Variants in CDC14A observed in about 807,000 individuals in gnomAD.
CDC14A encodes cell division cycle 14A.
CDC14A carries 53 observed loss-of-function variants against 74.4 expected under a neutral mutation model. The ratio of observed to expected loss-of-function variants is 0.71; its 90% CI spans 0.57 to 0.89. The LOEUF (loss-of-function observed/expected upper bound fraction) is 0.89. Among genes scored for constraint, CDC14A ranks in the 40% least tolerant of loss-of-function variants. CDC14A has a pLI of 0.00. For synonymous variants in CDC14A, 247 were observed against 258.4 expected (o/e 0.96, Z 0.43); for missense variants, 646 against 713.7 (o/e 0.91, Z 1.08).
intron 10 of CDC14A, among the ~76,000 whole-genome samples, chr1:100,482,459 T>A (rs1276569920): frequency 6.6e-6 from 1 of 152,182 alleles, no homozygotes; most frequent in African/African-American, 2.4e-5. Flanking sequence ...GCTGGGTAAG[T>A]CCTGCTCATC....
chr1:100,438,851 C>G (rs1439363984), intron 5 of CDC14A, among the ~76,000 whole-genome samples: 1 of 152,214 alleles, frequency 6.6e-6, no homozygotes, highest in African/African-American at 2.4e-5. Context: ...CCTTAAAGGT[C>G]TATTCTCCCC....
intron 4 of CDC14A, chr1:100,393,365 T>C: frequency 2.2e-6 from 2 of 891,668 alleles, no homozygotes; most frequent in South Asian, 2.6e-5. Context: ...CTTGATGCTC[T>C]AACTAGGCCA....
chr1:100,452,059 T>C (rs1230862755), intron 7 of CDC14A, among the ~76,000 whole-genome samples: 2 of 152,232 alleles, frequency 1.3e-5, no homozygotes, highest in Admixed American at 1.3e-4. Context: ...CATCTGTTGA[T>C]ATAGGAAATC....
At chr1:100,396,306 C>T (rs1658472092) in intron 4 of CDC14A, among the ~76,000 whole-genome samples, 1 of 152,142 alleles carries the variant, frequency 6.6e-6, no homozygotes, top group African/African-American at 2.4e-5. Context: ...GAGTGGTGTG[C>T]TGTGGGCTGC....
intron 5 of CDC14A, among the ~76,000 whole-genome samples, chr1:100,439,586 T>C (rs1287047408): frequency 6.6e-6 from 1 of 152,214 alleles, no homozygotes; most frequent in Non-Finnish European, 1.5e-5. Flanking sequence ...GAGTGATAGC[T>C]GCTATCATTA....
chr1:100,466,785 G>T (rs909508371), intron 9 of CDC14A, among the ~76,000 whole-genome samples: 1 of 150,280 alleles, frequency 6.7e-6, no homozygotes, highest in African/African-American at 2.5e-5. Flanking sequence ...CAGGAGAATC[G>T]CTTGAACCTG....
chr1:100,483,892 G>A (rs1399625301), intron 10 of CDC14A, among the ~76,000 whole-genome samples: 1 of 152,072 alleles, frequency 6.6e-6, no homozygotes, highest in African/African-American at 2.4e-5. Flanking sequence ...GTTCTTTCAT[G>A]TACAGTTTTG....
chr1:100,407,781 C>T (rs190822629), intron 4 of CDC14A, among the ~76,000 whole-genome samples: 55 of 152,186 alleles, frequency 3.6e-4, no homozygotes, highest in African/African-American at 1.2e-3. Context: ...ATCTCCAGTA[C>T]TTAACATAGT....
intron 2 of CDC14A, among the ~76,000 whole-genome samples, chr1:100,366,763 G>T (rs1653686248): frequency 6.6e-6 from 1 of 152,140 alleles, no homozygotes; most frequent in Non-Finnish European, 1.5e-5. Context: ...AAAAGGGTTT[G>T]ATTTTAGCTA....
chr1:100,451,757 G>A (rs550648876), intron 7 of CDC14A, among the ~76,000 whole-genome samples: 2 of 152,196 alleles, frequency 1.3e-5, no homozygotes, highest in East Asian at 1.9e-4. Context: ...TGGATAAAAC[G>A]AAGATGAAAA....
chr1:100,494,680 A>G, intron 11 of CDC14A, 138 bp from the exon 12 acceptor site: 1 of 546,480 alleles, frequency 1.8e-6, no homozygotes, highest in East Asian at 3.0e-5. Flanking sequence ...AACTTTGACA[A>G]TGCTGATTCA....
At chr1:100,435,823 TAAAAAA>T (rs10545372) in intron 5 of CDC14A, among the ~76,000 whole-genome samples, 3 of 97,956 alleles carry the variant, frequency 3.1e-5, no homozygotes, top group African/African-American at 8.6e-5. Flanking sequence ...AGACTTCGTC[TAAAAAA>T]AAAAAAAAAA....
chr1:100,389,365 T>C (rs1657354825), intron 3 of CDC14A, among the ~76,000 whole-genome samples: 1 of 150,124 alleles, frequency 6.7e-6, no homozygotes, highest in Admixed American at 6.7e-5. Flanking sequence ...GGCAAGAGAA[T>C]GGCTTGAACC....
intron 2 of CDC14A, among the ~76,000 whole-genome samples, chr1:100,359,113 C>T (rs536248840): frequency 2.0e-4 from 30 of 152,206 alleles, no homozygotes; most frequent in African/African-American, 6.5e-4. Flanking sequence ...AACCTCGAGA[C>T]AAATTTCATT....
Position 100,352,664 on chromosome 1 carries a change from C to A in CDC14A, c.-291C>A. ...AGAGCTGGTCTGCGTTTCCCAGGCG[C>A]GGCGGCGGCGGAGCAGCAGCTGCAG... On this transcript the variant is annotated 5_prime_UTR_variant, in exon 1 of 16. Coordinates refer to ENST00000336454, the MANE Select transcript of CDC14A (RefSeq NM_003672.4). The A allele has an allele frequency of 1.6e-6, 2 of 1,259,292 alleles. No individual in the cohort carries two copies. 78.0% of individuals were successfully genotyped at this position (1,259,292 alleles called of 1,614,324 possible). A position where few individuals can be genotyped will look rare whatever the true frequency, so the allele number is the denominator to read the frequency against.
Position 100,498,255 on chromosome 1 carries a change from G to A in CDC14A, c.1421+48G>A, listed in dbSNP as rs751233708. 5 of 1,594,634 alleles carry A rather than the reference G, an allele frequency of 3.1e-6. No individual in the cohort carries two copies. In the Admixed American group the frequency reaches 8.8e-5, roughly 28 times the overall value. ...AAGGTGCTGGTTTGAGGTAAAGGAAGCTTGCAGCAGGCGATGAGTTTAGCT... is the reference window on the plus strand; with the variant it reads ...AAGGTGCTGGTTTGAGGTAAAGGAAACTTGCAGCAGGCGATGAGTTTAGCT... On this transcript the variant is annotated intron_variant, in intron 14 of 15. Coordinates refer to ENST00000336454, the MANE Select transcript of CDC14A (RefSeq NM_003672.4).
chr1:100,498,076 T>C lies in CDC14A; in HGVS notation c.1299-9T>C. On this transcript the variant is annotated splice_polypyrimidine_tract_variant and intron_variant, in intron 13 of 15. Coordinates refer to ENST00000336454, the MANE Select transcript of CDC14A (RefSeq NM_003672.4). ...TTATTGTGACACTTTGCCATTTTTCTCCGCAAAGATTAAGTTCATCCCTGC... is the reference window on the plus strand; with the variant it reads ...TTATTGTGACACTTTGCCATTTTTCCCCGCAAAGATTAAGTTCATCCCTGC... 1.2e-6 allele frequency: 2 copies of C among 1,607,098 alleles called. No individual in the cohort carries two copies. Among genetic ancestry groups the C allele is most frequent in the Non-Finnish European group, 1.7e-6 (2 of 1,178,000 alleles).
At chr1:100,463,006 A>G (rs1204917848) in intron 9 of CDC14A, 125 bp downstream of exon 9, 1 of 675,710 alleles carries the variant, frequency 1.5e-6, no homozygotes, top group Non-Finnish European at 2.5e-6. Context: ...AATTTCAGAC[A>G]ACTGGGACAC....
chr1:100,466,212 T>G (rs1343419181), intron 9 of CDC14A, among the ~76,000 whole-genome samples: 1 of 151,572 alleles, frequency 6.6e-6, no homozygotes, highest in East Asian at 1.9e-4. Flanking sequence ...TGAGAGAGAG[T>G]GTTGTCTCCA....
Sources: gnomAD v4.1 joint callset for allele counts (sites outside exome capture counted in the v4.1 genomes callset) on GRCh38, gnomAD v4.1.1 for gene constraint, MANE v1.5 for transcripts, NCBI Gene and HGNC (gene_info 2026-07-23, HGNC 2026-07-21) for gene names.